MAP1B: variants seen among roughly 807,000 people sequenced by gnomAD.
The protein encoded by MAP1B is microtubule associated protein 1B, also known as microtubule-associated protein 1B.
A neutral mutation model predicts 176.1 loss-of-function variants in MAP1B; 12 were observed. The observed-to-expected ratio is 0.07, with a 90% CI of 0.04 to 0.11. The LOEUF is 0.11. Ranked by LOEUF, MAP1B falls within the 10% of genes least tolerant of loss-of-function variation. The pLI is 1.00. For missense variants in MAP1B, 2,523 were observed against 2,990.5 expected, an observed-to-expected ratio of 0.84 and a Z score of 3.65; for synonymous variants, 1,044 against 1,135.0, an observed-to-expected ratio of 0.92 and a Z score of 1.61.
At chr5:72,156,772 A>T (rs994890085) in intron 2 of MAP1B, among the ~76,000 whole-genome samples, 1 of 152,212 alleles carries the variant, frequency 6.6e-6, no homozygotes, top group African/African-American at 2.4e-5. Context: ...TATGGGAAGC[A>T]GTGTTTCCTC....
chr5:72,184,848 T>A (rs1308531087), intron 3 of MAP1B, among the ~76,000 whole-genome samples: 1 of 152,170 alleles, frequency 6.6e-6, no homozygotes, highest in East Asian at 1.9e-4. Context: ...ATAAAATTCA[T>A]CCCTTTAAAG....
At chr5:72,166,898 AGGACGGGGCAGTCCAGG>A (rs1746442788) in intron 2 of MAP1B, among the ~76,000 whole-genome samples, 1 of 152,224 alleles carries the variant, frequency 6.6e-6, no homozygotes, top group African/African-American at 2.4e-5. Flanking sequence ...GACTGTGGGC[AGGACGGGGCAGTCCAGG>A]AAACAAGATG....
chr5:72,156,612 C>T (rs1054175020), intron 2 of MAP1B, among the ~76,000 whole-genome samples: 4 of 152,188 alleles, frequency 2.6e-5, no homozygotes, highest in South Asian at 2.1e-4. Flanking sequence ...CAGTGCTTTC[C>T]AATGCAGTTC....
chr5:72,195,561 C>T lies in MAP1B; in HGVS notation c.2206C>T (p.Pro736Ser). 5 of 1,610,994 alleles carry T rather than the reference C, an allele frequency of 3.1e-6. No homozygotes were observed. Among genetic ancestry groups the T allele is most frequent in the Non-Finnish European group, 4.2e-6 (5 of 1,179,372 alleles). Residue 736 changes from proline (P) to serine (S), a missense_variant, in exon 5 of 7, where the codon CCT becomes TCT. Around this residue, in one of 4 missense-constraint regions of MAP1B, gnomAD observed 1,925 missense variants for 2,126.0 expected, o/e 0.91. Coordinates refer to ENST00000296755, the MANE Select transcript of MAP1B (RefSeq NM_005909.5). ...KEPKKEIKKLPKDAKKSSTPL... is the reference protein window; with the variant it reads ...KEPKKEIKKLSKDAKKSSTPL... ...ACCCAAAAAAGAAATTAAGAAGCTC[C>T]CTAAAGACGCAAAGAAATCATCTAC...
In MAP1B at chr5:72,186,793, T is replaced by C; in HGVS notation, c.510+39T>C. Reference sequence around the variant, plus strand: ...TGAGAATATCTGTGCTTCTAGTGGCTTGGTTGCCTTAGGTTCCTCTTTGAG... The same window carrying C: ...TGAGAATATCTGTGCTTCTAGTGGCCTGGTTGCCTTAGGTTCCTCTTTGAG... On this transcript the variant is annotated intron_variant, in intron 4 of 6. Transcript: ENST00000296755. The surrounding 1 kb of genome is among the most constrained non-coding windows in gnomAD (Gnocchi z 4.3). 1 of 1,610,852 alleles carries C rather than the reference T, an allele frequency of 6.2e-7. No individual in the cohort carries two copies. Among genetic ancestry groups the C allele is most frequent in the Non-Finnish European group, 8.5e-7 (1 of 1,179,138 alleles).
At chr5:72,167,695 A>G (rs1440580531) in intron 2 of MAP1B, among the ~76,000 whole-genome samples, 2 of 152,242 alleles carry the variant, frequency 1.3e-5, no homozygotes, top group Non-Finnish European at 2.9e-5. Context: ...AAGAGAATGG[A>G]CCAGAAATGA....
At chr5:72,141,756 T>C (rs1360618409) in intron 2 of MAP1B, among the ~76,000 whole-genome samples, 1 of 152,132 alleles carries the variant, frequency 6.6e-6, no homozygotes, top group East Asian at 1.9e-4. Flanking sequence ...AAGAGGATCA[T>C]GGTTTAAAAA....
In MAP1B at chr5:72,186,594, C is replaced by A. The variant is rs754910784; in HGVS notation, c.370-20C>A. On this transcript the variant is annotated intron_variant, in intron 3 of 6. Coordinates refer to ENST00000296755, the MANE Select transcript of MAP1B (RefSeq NM_005909.5). The surrounding 1 kb of genome is among the most constrained non-coding windows in gnomAD (Gnocchi z 4.3). ...AGCACTGCCCATGGCTCAGGGCCTA[C>A]GTTCTGTGCTTTATTTCAGGTGCGC... is the stretch of plus-strand genomic sequence containing the variant. 1.1e-5 allele frequency: 18 copies of A among 1,612,820 alleles called. No homozygotes were observed. The highest frequency in any genetic ancestry group is 1.8e-4 in the Middle Eastern group (1 of 5,438).
intron 4 of MAP1B, chr5:72,193,236 T>G: frequency 2.6e-6 from 1 of 383,434 alleles, no homozygotes; most frequent in Non-Finnish European, 4.9e-6. Context: ...TTGTCTCCTA[T>G]GGGGAAAAAC....
intron 2 of MAP1B, among the ~76,000 whole-genome samples, chr5:72,175,328 C>T (rs1435749826): frequency 1.3e-5 from 2 of 152,002 alleles, no homozygotes; most frequent in African/African-American, 4.8e-5. Context: ...ACAGGTTACC[C>T]CATCACCCTT....
At chr5:72,124,925 A>C (rs1445516850) in intron 2 of MAP1B, among the ~76,000 whole-genome samples, 1 of 152,168 alleles carries the variant, frequency 6.6e-6, no homozygotes, top group African/African-American at 2.4e-5. Context: ...CATCAATGGG[A>C]ATGTCACATT....
intron 5 of MAP1B, among the ~76,000 whole-genome samples, chr5:72,201,729 C>T (rs1747337580): frequency 6.6e-6 from 1 of 152,174 alleles, no homozygotes; most frequent in Non-Finnish European, 1.5e-5. Flanking sequence ...TGGAGCTCTC[C>T]AATTAAGTAC....
rs758381308 is a variant in MAP1B at position 72,198,788 on chromosome 5, A to G, written c.5433A>G (p.Thr1811=). 2 of 1,614,232 alleles carry G rather than the reference A, an allele frequency of 1.2e-6. No homozygotes were observed. The highest frequency in any genetic ancestry group is 1.3e-5 in the African/African-American group (1 of 75,070). The stretch of plus-strand genomic sequence containing the variant: ...CTACCTCTGCAGTCAAAGAGAAAAC[A>G]GCAACTTGCCACAGTTCCTCTTCTC... ...SDSTSAVKEK[T]ATCHSSSSPP... The change falls in exon 5 of 7, where the codon ACA becomes ACG. Residue 1811 remains threonine (T), a synonymous_variant. Coordinates refer to ENST00000296755, the MANE Select transcript of MAP1B (RefSeq NM_005909.5).
intron 2 of MAP1B, chr5:72,116,346 A>C: frequency 3.0e-6 from 1 of 329,466 alleles, no homozygotes; most frequent in Non-Finnish European, 5.8e-6. Context: ...CCGCCATTGC[A>C]TTACCACTTA....
intron 2 of MAP1B, among the ~76,000 whole-genome samples, chr5:72,182,792 A>G (rs771923442): frequency 6.6e-6 from 1 of 152,082 alleles, no homozygotes; most frequent in Non-Finnish European, 1.5e-5. Context: ...CTACCCTCCC[A>G]ACCATGCGTC....
At chr5:72,178,194 C>T (rs571854564) in intron 2 of MAP1B, among the ~76,000 whole-genome samples, 10 of 151,966 alleles carry the variant, frequency 6.6e-5, no homozygotes, top group East Asian at 1.9e-4. Context: ...GTAGAGACAG[C>T]GTTTCACCAT....
At chr5:72,162,969 C>T (rs1746353678) in intron 2 of MAP1B, among the ~76,000 whole-genome samples, 1 of 152,080 alleles carries the variant, frequency 6.6e-6, no homozygotes, top group Non-Finnish European at 1.5e-5. Context: ...GGGGCTCACG[C>T]CTGTAATCCC....
rs1747105456 is a variant in MAP1B, at chr5:72,194,625, G to A, written c.1270G>A (p.Val424Met). The A allele has an allele frequency of 6.2e-7, 1 of 1,614,150 alleles. No individual in the cohort carries two copies. Among genetic ancestry groups the A allele is most frequent in the South Asian group, 1.1e-5 (1 of 91,076 alleles). Residue 424 changes from valine to methionine, a missense_variant, in exon 5 of 7, where the codon GTG becomes ATG. By Grantham distance (21) the Val-to-Met change is conservative. Transcript: ENST00000296755. This position sits in a 1 kb window ranked among gnomAD's most constrained non-coding sequence, Gnocchi z 7.2. ...KMGVGKLEMY[V>M]LNPVKSSKEM... is the part of the protein sequence containing the mutation. ...GGGAGTAGGTAAACTTGAGATGTAT[G>A]TGCTTAATCCAGTCAAGAGCAGCAA...
chr5:72,152,786 A>G (rs1028377331), intron 2 of MAP1B, among the ~76,000 whole-genome samples: 24 of 152,204 alleles, frequency 1.6e-4, no homozygotes, highest in African/African-American at 5.3e-4. Context: ...CTTGAAAACA[A>G]TAATTTTTGT....
Sources: allele counts gnomAD v4.1 joint callset (sites outside exome capture counted in the v4.1 genomes callset), GRCh38; gene constraint gnomAD v4.1.1; regional missense constraint gnomAD v4.1.1; non-coding constraint Gnocchi (gnomAD v3.1); transcripts MANE v1.5; gene names NCBI Gene and HGNC (gene_info 2026-07-23, HGNC 2026-07-21).